Variants in FAM227B observed in about 807,000 individuals in gnomAD.
FAM227B encodes the protein protein FAM227B.
FAM227B carries 88 observed loss-of-function variants against 73.8 expected under a neutral mutation model. The ratio of observed to expected loss-of-function variants is 1.19; its 90% CI spans 1.00 to 1.42. The LOEUF is 1.42. Ranked by LOEUF, FAM227B falls within the 40% of genes most tolerant of loss-of-function variation. The pLI is 0.00. For missense variants in FAM227B, 632 were observed against 590.9 expected, an observed-to-expected ratio of 1.07 and a Z score of -0.72; for synonymous variants, 210 against 190.5, an observed-to-expected ratio of 1.10 and a Z score of -0.84.
chr15:49,512,927 G>T (rs963593388), intron 10 of FAM227B, among the ~76,000 whole-genome samples: 26 of 152,102 alleles, frequency 1.7e-4, no homozygotes, highest in African/African-American at 5.8e-4. Flanking sequence ...CAGAGGGCAT[G>T]ATCTGATTCT....
At chr15:49,458,447 T>C (rs1402631094) in intron 11 of FAM227B, among the ~76,000 whole-genome samples, 1 of 152,152 alleles carries the variant, frequency 6.6e-6, no homozygotes, top group Non-Finnish European at 1.5e-5. Context: ...TTTGGTTTTA[T>C]TTGGATTATT....
At position 49,371,368 on chromosome 15, in the gene FAM227B, G is replaced by A. The variant is rs917151734; in HGVS notation, c.1044C>T (p.Asn348=). Reference sequence around the variant, plus strand: ...TGGGCAACGTATATGCTCTTGGGTTGTTCAGAATCTTTATAATATTGAAGT... The same window carrying A: ...TGGGCAACGTATATGCTCTTGGGTTATTCAGAATCTTTATAATATTGAAGT... The part of the protein sequence containing the change: ...SIDFNIIKIL[N]NPRAYTLPIS... Residue 348 remains asparagine, a synonymous_variant, in exon 12 of 16, where the codon AAC becomes AAT. Transcript: ENST00000299338. 6.3e-7 allele frequency: 1 copy of A among 1,586,756 alleles called. No homozygotes were observed. Among genetic ancestry groups the A allele is most frequent in the South Asian group, 1.1e-5 (1 of 87,280 alleles).
chr15:49,581,387 G>T (rs1331200601), intron 5 of FAM227B, among the ~76,000 whole-genome samples: 1 of 151,834 alleles, frequency 6.6e-6, no homozygotes, highest in Non-Finnish European at 1.5e-5. Context: ...GAGTGCAGTG[G>T]CACAATCTTG....
At chr15:49,523,560 A>G (rs1221571814) in intron 10 of FAM227B, among the ~76,000 whole-genome samples, 1 of 152,188 alleles carries the variant, frequency 6.6e-6, no homozygotes, top group African/African-American at 2.4e-5. Context: ...AAGCAGACTA[A>G]TTCAGTAAAT....
chr15:49,596,348 A>G (rs1235137588), intron 3 of FAM227B, among the ~76,000 whole-genome samples: 1 of 152,014 alleles, frequency 6.6e-6, no homozygotes, highest in East Asian at 1.9e-4. Context: ...AGAATTTTGT[A>G]TCCAGCAAAA....
At chr15:49,411,756 A>C (rs977988399) in intron 11 of FAM227B, among the ~76,000 whole-genome samples, 2 of 152,096 alleles carry the variant, frequency 1.3e-5, no homozygotes, top group African/African-American at 4.8e-5. Context: ...AAGTTCTTAT[A>C]TTTGGAATCT....
In FAM227B at chr15:49,355,378, T is replaced by A. The variant is rs544554595; in HGVS notation, c.1271+12070A>T. ...CAGTATGTATAACTAGAATAACCAA[T>A]ACAGAGAACTGCCTAAAGGAGCTAA... is the stretch of plus-strand genomic sequence containing the variant. On this transcript the variant is annotated intron_variant, in intron 13 of 15. Coordinates refer to ENST00000299338, the MANE Select transcript of FAM227B (RefSeq NM_152647.3). Among the ~76,000 whole-genome samples, 17 of 152,100 alleles carry A rather than the reference T, an allele frequency of 1.1e-4. 1 individual carries two copies. The East Asian group carries it at 3.3e-3, about 29-fold the overall frequency.
chr15:49,523,755 G>A (rs1884749954), intron 10 of FAM227B, among the ~76,000 whole-genome samples: 1 of 152,198 alleles, frequency 6.6e-6, no homozygotes, highest in Non-Finnish European at 1.5e-5. Flanking sequence ...TATGCTAATA[G>A]TGATATGGAC....
At chr15:49,534,112 A>G (rs910863533) in intron 10 of FAM227B, among the ~76,000 whole-genome samples, 11 of 151,900 alleles carry the variant, frequency 7.2e-5, no homozygotes, top group African/African-American at 2.4e-4. Context: ...TTTTGATAGC[A>G]TAACACACTC....
intron 5 of FAM227B, among the ~76,000 whole-genome samples, chr15:49,579,787 A>G (rs997183297): frequency 2.0e-5 from 3 of 152,234 alleles, no homozygotes; most frequent in African/African-American, 7.2e-5. Context: ...AATAGCTATA[A>G]AAGAATATTT....
intron 2 of FAM227B, 117 bp downstream of exon 2, chr15:49,615,004 C>G: frequency 1.1e-6 from 1 of 911,652 alleles, no homozygotes; most frequent in East Asian, 2.4e-5. Context: ...AAGACCTAGA[C>G]CAAACCCTTG....
chr15:49,474,155 T>C (rs1301672543), intron 11 of FAM227B, among the ~76,000 whole-genome samples: 1 of 152,194 alleles, frequency 6.6e-6, no homozygotes, highest in African/African-American at 2.4e-5. Flanking sequence ...TTATGGTCTA[T>C]ATCAAGGAAA....
intron 2 of FAM227B, among the ~76,000 whole-genome samples, chr15:49,612,438 T>C (rs2078001904): frequency 6.6e-6 from 1 of 152,206 alleles, no homozygotes; most frequent in South Asian, 2.1e-4. Context: ...TTTTTATGGC[T>C]GCATAGTATT....
chr15:49,357,878 G>A (rs201198452), intron 13 of FAM227B, among the ~76,000 whole-genome samples: 1 of 151,584 alleles, frequency 6.6e-6, no homozygotes, highest in Non-Finnish European at 1.5e-5. Context: ...CCATCAAAAA[G>A]CTTATCCACC....
chr15:49,500,638 T>G (rs1414043144), intron 11 of FAM227B, among the ~76,000 whole-genome samples: 1 of 152,228 alleles, frequency 6.6e-6, no homozygotes, highest in East Asian at 1.9e-4. Context: ...ACTTGTATAC[T>G]GGTAGAAATG....
intron 13 of FAM227B, among the ~76,000 whole-genome samples, chr15:49,363,179 T>C (rs947382617): frequency 2.6e-5 from 4 of 152,236 alleles, no homozygotes; most frequent in African/African-American, 9.6e-5. Flanking sequence ...GGTAGTTTGA[T>C]AGGAATAGCA....
At chr15:49,547,929 C>G (rs2152294641) in intron 9 of FAM227B, among the ~76,000 whole-genome samples, 1 of 152,246 alleles carries the variant, frequency 6.6e-6, no homozygotes, top group East Asian at 1.9e-4. Context: ...GATGGAAAGT[C>G]AACAAAGAAA....
intron 3 of FAM227B, among the ~76,000 whole-genome samples, chr15:49,608,105 T>TA (rs1180333755): frequency 6.6e-6 from 1 of 152,198 alleles, no homozygotes; most frequent in Non-Finnish European, 1.5e-5. Flanking sequence ...ATGGTGATTA[T>TA]ATTAATTAAA....
intron 13 of FAM227B, among the ~76,000 whole-genome samples, chr15:49,338,246 A>T (rs187991423): frequency 1.3e-5 from 2 of 152,044 alleles, no homozygotes; most frequent in Non-Finnish European, 1.5e-5. Flanking sequence ...ACAATTTGGT[A>T]TGTTTTTGCA....
Sources: allele counts gnomAD v4.1 joint callset (sites outside exome capture counted in the v4.1 genomes callset), GRCh38; gene constraint gnomAD v4.1.1; transcripts MANE v1.5; gene names NCBI Gene and HGNC (gene_info 2026-07-23, HGNC 2026-07-21).